Variants in SNX10 observed in about 807,000 individuals in gnomAD.
SNX10 encodes the protein sorting nexin 10, also known as sorting nexin-10.
Under a neutral mutation model 28.5 loss-of-function variants are expected in SNX10, and 25 were observed. The ratio of observed to expected loss-of-function variants is 0.88; its 90% CI spans 0.64 to 1.22. The LOEUF is 1.22. Among genes scored for constraint, SNX10 ranks in the 50% most tolerant of loss-of-function variants. The pLI is 0.00. For missense variants in SNX10, 223 were observed against 242.6 expected (o/e 0.92, Z 0.54); for synonymous variants, 62 against 81.4 (o/e 0.76, Z 1.28).
intron 3 of SNX10, among the ~76,000 whole-genome samples, chr7:26,363,149 A>AT (rs1249540074): frequency 4.6e-5 from 7 of 152,160 alleles, no homozygotes; most frequent in African/African-American, 1.7e-4. Flanking sequence ...CTGGTGTGTT[A>AT]TAAGTCCACC....
At chr7:26,301,957 G>A (rs1340750083) in intron 1 of SNX10, among the ~76,000 whole-genome samples, 2 of 152,112 alleles carry the variant, frequency 1.3e-5, no homozygotes, top group Non-Finnish European at 2.9e-5. Flanking sequence ...GTTAGGCATA[G>A]GACTCTGAGG....
intron 2 of SNX10, 60 bp from the exon 3 acceptor site, chr7:26,360,915 T>C (rs995563237): frequency 1.2e-5 from 20 of 1,600,856 alleles, no homozygotes; most frequent in Non-Finnish European, 1.7e-5. Context: ...TTTTGTTCAG[T>C]TCTTTCCAGT....
At chr7:26,345,896 C>G (rs544999644) in intron 1 of SNX10, among the ~76,000 whole-genome samples, 2 of 152,096 alleles carry the variant, frequency 1.3e-5, no homozygotes, top group African/African-American at 4.8e-5. Context: ...CTGCACTGCT[C>G]AGAAGGTCAG....
intron 1 of SNX10, among the ~76,000 whole-genome samples, chr7:26,303,446 A>G (rs957940738): frequency 1.3e-5 from 2 of 152,156 alleles, no homozygotes; most frequent in Non-Finnish European, 2.9e-5. Flanking sequence ...CTGCCTGCAC[A>G]CAGCTTCCCA....
intron 2 of SNX10, among the ~76,000 whole-genome samples, chr7:26,351,268 A>G (rs1483575066): frequency 6.6e-6 from 1 of 152,244 alleles, no homozygotes; most frequent in Non-Finnish European, 1.5e-5. Flanking sequence ...ATAACTTTAC[A>G]GTGGAGAAAT....
intron 5 of SNX10, 36 bp downstream of exon 5, chr7:26,365,181 G>C (rs745395602): frequency 6.7e-6 from 8 of 1,189,830 alleles, no homozygotes; most frequent in Non-Finnish European, 1.0e-5. Context: ...CAGACAAGGG[G>C]TGTGAGCAAG....
intron 1 of SNX10, among the ~76,000 whole-genome samples, chr7:26,310,725 A>G (rs1786794764): frequency 6.6e-6 from 1 of 150,456 alleles, no homozygotes; most frequent in African/African-American, 2.5e-5. Context: ...TCTGTCTCCC[A>G]GGCTGGAGTG....
chr7:26,327,125 A>G (rs1248161408), intron 1 of SNX10, among the ~76,000 whole-genome samples: 1 of 151,318 alleles, frequency 6.6e-6, no homozygotes, highest in African/African-American at 2.4e-5. Context: ...TAATTTTTGT[A>G]TTTTTAGTAG....
chr7:26,327,181 C>T (rs1250239890), intron 1 of SNX10, among the ~76,000 whole-genome samples: 8 of 151,942 alleles, frequency 5.3e-5, no homozygotes, highest in Admixed American at 5.2e-4. Flanking sequence ...AAACTCCTTA[C>T]CTCAGATCAT....
At chr7:26,370,866 A>G (rs1221867350) in intron 5 of SNX10, 1 of 152,188 alleles carries the variant, frequency 6.6e-6, no homozygotes, top group Admixed American at 6.5e-5. Flanking sequence ...CTCCTCTTAC[A>G]TAATTATTGA....
intron 1 of SNX10, among the ~76,000 whole-genome samples, chr7:26,316,878 A>G (rs1682452801): frequency 1.3e-5 from 2 of 152,316 alleles, no homozygotes; most frequent in African/African-American, 4.8e-5. Context: ...GAAAACTCCA[A>G]GCAATTGGAG....
intron 1 of SNX10, among the ~76,000 whole-genome samples, chr7:26,302,670 TC>T (rs768780550): frequency 1.3e-5 from 2 of 152,220 alleles, no homozygotes; most frequent in Admixed American, 6.5e-5. Flanking sequence ...TTTCTGGTAC[TC>T]CCTGCTCCCT....
chr7:26,318,997 T>C (rs1787206114), intron 1 of SNX10, among the ~76,000 whole-genome samples: 1 of 152,176 alleles, frequency 6.6e-6, no homozygotes, highest in Admixed American at 6.5e-5. Flanking sequence ...AACCGAGATA[T>C]GAATGACTCC....
intron 1 of SNX10, among the ~76,000 whole-genome samples, chr7:26,336,371 G>GT (rs1438487077): frequency 6.8e-6 from 1 of 147,500 alleles, no homozygotes; most frequent in Non-Finnish European, 1.5e-5. Context: ...AAGTAAATAT[G>GT]TAAAAAAAAA....
chr7:26,298,487 G>A (rs964414599), intron 1 of SNX10, among the ~76,000 whole-genome samples: 4 of 152,096 alleles, frequency 2.6e-5, no homozygotes, highest in Non-Finnish European at 5.9e-5. Context: ...TATATATGGC[G>A]GAGAGTGTAA....
At chr7:26,314,090 G>A (rs1045495239) in intron 1 of SNX10, among the ~76,000 whole-genome samples, 4 of 152,156 alleles carry the variant, frequency 2.6e-5, no homozygotes, top group Admixed American at 6.5e-5. Context: ...GGGATTACAG[G>A]TGTGAGCCGC....
In SNX10 at chr7:26,325,306, A is replaced by ATATATATATATATAT. The variant is rs1787457774; in HGVS notation, c.-23-21114_-23-21113insTATATATATATATAT. ...AATTTTTTTCTACTGAAGTTTGCAA[A>ATATATATATATATAT]ATATATATATATATATATATATTTG... On this transcript the variant is annotated intron_variant, in intron 1 of 6. Coordinates refer to ENST00000338523, the MANE Select transcript of SNX10 (RefSeq NM_013322.3). 2.1e-3 allele frequency among the ~76,000 whole-genome samples: 106 copies of ATATATATATATATAT among 51,362 alleles called. 3 individuals are homozygous for ATATATATATATATAT. Among genetic ancestry groups the ATATATATATATATAT allele is most frequent in the Non-Finnish European group, 4.2e-3 (75 of 17,940 alleles). 33.7% of individuals were successfully genotyped at this position (51,362 alleles called of 152,430 possible). A position where few individuals can be genotyped will look rare whatever the true frequency, so the allele number is the denominator to read the frequency against.
intron 5 of SNX10, among the ~76,000 whole-genome samples, chr7:26,370,077 A>G (rs3801877): frequency 0.037 from 5,614 of 152,304 alleles, 292 homozygotes; most frequent in African/African-American, 0.12. Flanking sequence ...AAAATAAAAC[A>G]CATTTCCAAC....
chr7:26,369,224 G>A (rs747977108), intron 5 of SNX10, among the ~76,000 whole-genome samples: 7 of 151,926 alleles, frequency 4.6e-5, no homozygotes, highest in African/African-American at 7.3e-5. Context: ...ACATTTTATT[G>A]ACTGTTTTAC....
Sources: gnomAD v4.1 joint callset for allele counts (sites outside exome capture counted in the v4.1 genomes callset) on GRCh38, gnomAD v4.1.1 for gene constraint, MANE v1.5 for transcripts, NCBI Gene and HGNC (gene_info 2026-07-23, HGNC 2026-07-21) for gene names.